Variants in SSU72 observed in about 807,000 individuals in gnomAD.
SSU72 encodes the protein RNA polymerase II subunit A C-terminal domain phosphatase SSU72.
Under a neutral mutation model 22.7 loss-of-function variants are expected in SSU72, and 12 were observed. That is an observed-to-expected ratio of 0.53 (90% CI 0.34 to 0.86). The LOEUF is 0.86. Ranked by LOEUF, SSU72 falls within the 40% of genes least tolerant of loss-of-function variation. SSU72 has a pLI of 0.02. For missense variants in SSU72, 151 were observed against 249.8 expected (o/e 0.60, Z 2.67); for synonymous variants, 116 against 98.3 (o/e 1.18, Z -1.06).
chr1:1,573,850 AC>A (rs1189135966), intron 1 of SSU72, among the ~76,000 whole-genome samples: 1 of 152,142 alleles, frequency 6.6e-6, no homozygotes, highest in Non-Finnish European at 1.5e-5. Flanking sequence ...ATGTGACTGA[AC>A]AAAAAACTTG....
chr1:1,548,922 A>G (rs1387914514), intron 2 of SSU72, among the ~76,000 whole-genome samples: 1 of 152,184 alleles, frequency 6.6e-6, no homozygotes, highest in African/African-American at 2.4e-5. Context: ...TGACGTCTGG[A>G]ACCCTCCCCC....
chr1:1,574,649 G>A lies in SSU72; in HGVS notation c.-92C>T. On this transcript the variant is annotated 5_prime_UTR_variant, in exon 1 of 5. Coordinates refer to ENST00000291386, the MANE Select transcript of SSU72 (RefSeq NM_014188.3). ...AACAAAATGGCGGCCGCGGTGGCCG[G>A]AAGCGGGCGACGCGAAACGACGGCG... 7.8e-7 allele frequency: 1 copy of A among 1,276,122 alleles called. No homozygotes were observed. Among genetic ancestry groups the A allele is most frequent in the Non-Finnish European group, 1.0e-6 (1 of 976,624 alleles). 79.0% of individuals were successfully genotyped at this position (1,276,122 alleles called of 1,614,324 possible).
chr1:1,574,433 G>C (rs748683536), intron 1 of SSU72, 45 bp downstream of exon 1: 19 of 1,552,594 alleles, frequency 1.2e-5, no homozygotes, highest in Non-Finnish European at 1.7e-5. Context: ...AGGGAGGGCC[G>C]GTCGCCGGAG....
intron 1 of SSU72, among the ~76,000 whole-genome samples, chr1:1,572,134 T>C (rs1642738456): frequency 6.7e-6 from 1 of 149,688 alleles, no homozygotes; most frequent in South Asian, 2.2e-4. Context: ...TGTTAAGATT[T>C]CTACTCCATC....
At chr1:1,553,113 G>A (rs1206679903) in intron 2 of SSU72, among the ~76,000 whole-genome samples, 2 of 151,516 alleles carry the variant, frequency 1.3e-5, no homozygotes, top group East Asian at 3.9e-4. Context: ...GACTAAACCC[G>A]AAACATTCCA....
chr1:1,545,281 C>A, intron 2 of SSU72: 1 of 437,982 alleles, frequency 2.3e-6, no homozygotes, highest in Admixed American at 3.6e-5. Flanking sequence ...CCGCCCCCGC[C>A]CAGCATGACA....
chr1:1,556,319 G>C (rs527681475), intron 2 of SSU72, among the ~76,000 whole-genome samples: 2 of 152,310 alleles, frequency 1.3e-5, no homozygotes, highest in African/African-American at 4.8e-5. Context: ...TGTAGTCCCA[G>C]CTACTTGGGA....
At chr1:1,550,817 G>A (rs987931936) in intron 2 of SSU72, among the ~76,000 whole-genome samples, 2 of 152,160 alleles carry the variant, frequency 1.3e-5, no homozygotes, top group Non-Finnish European at 2.9e-5. Flanking sequence ...CAGCAGGAAG[G>A]CTGCACCCAC....
intron 1 of SSU72, among the ~76,000 whole-genome samples, chr1:1,565,630 G>GGGCCCGACGGTGC (rs146004627): frequency 8.4e-5 from 4 of 47,834 alleles, no homozygotes; most frequent in South Asian, 3.0e-3. Flanking sequence ...CCCCCACGAT[G>GGGCCCGACGGTGC]TGGCTCCATG....
At chr1:1,561,139 C>CCGTAGCGCGAT (rs1553131881) in intron 2 of SSU72, 1 of 152,300 alleles carries the variant, frequency 6.6e-6, no homozygotes, top group Non-Finnish European at 1.5e-5. Flanking sequence ...GGCTGGAGTG[C>CCGTAGCGCGAT]CGTAGCGCGA....
chr1:1,567,152 G>A (rs951442668), intron 1 of SSU72, among the ~76,000 whole-genome samples: 1 of 152,220 alleles, frequency 6.6e-6, no homozygotes, highest in South Asian at 2.1e-4. Flanking sequence ...CAGGCCATGC[G>A]GCTCCACGCG....
chr1:1,565,985 G>A (rs1004730157), intron 1 of SSU72, among the ~76,000 whole-genome samples: 2 of 152,118 alleles, frequency 1.3e-5, no homozygotes, highest in African/African-American at 2.4e-5. Context: ...CACCGAGTGC[G>A]GTGGCTCACA....
intron 1 of SSU72, among the ~76,000 whole-genome samples, chr1:1,568,838 C>T (rs1244847376): frequency 2.0e-5 from 3 of 151,534 alleles, no homozygotes; most frequent in Admixed American, 6.6e-5. Flanking sequence ...AGTTCAATAC[C>T]AGCCTGGGCA....
At position 1,554,551 on chromosome 1, in the gene SSU72, G is replaced by T. The variant is rs775402449; in HGVS notation, c.225-9549C>A. Among the ~76,000 whole-genome samples, 4 of 152,184 alleles carry T rather than the reference G, an allele frequency of 2.6e-5. No homozygotes were observed. Among genetic ancestry groups the T allele is most frequent in the Non-Finnish European group, 5.9e-5 (4 of 68,022 alleles). On this transcript the variant is annotated intron_variant, in intron 2 of 4. Coordinates refer to ENST00000291386, the MANE Select transcript of SSU72 (RefSeq NM_014188.3). This position sits in a 1 kb window ranked among gnomAD's most constrained non-coding sequence, Gnocchi z 4.1. ...AAGGTTTTCTCTTTTCACTCCCTAG[G>T]GGCCTTAGTGGGACCAGAACATCCC...
At chr1:1,548,517 G>T (rs1642419772) in intron 2 of SSU72, among the ~76,000 whole-genome samples, 1 of 148,698 alleles carries the variant, frequency 6.7e-6, no homozygotes, top group East Asian at 2.0e-4. Context: ...TCATGCCACT[G>T]CACTCTGGCC....
intron 2 of SSU72, among the ~76,000 whole-genome samples, chr1:1,548,299 C>T (rs1642417546): frequency 6.6e-6 from 1 of 152,202 alleles, no homozygotes; most frequent in African/African-American, 2.4e-5. Flanking sequence ...TGGCTCACAC[C>T]TGTAATCCCA....
At chr1:1,565,756 G>A (rs1304149932) in intron 1 of SSU72, among the ~76,000 whole-genome samples, 2 of 67,182 alleles carry the variant, frequency 3.0e-5, no homozygotes, top group African/African-American at 3.1e-4. Flanking sequence ...AGTCACAGGT[G>A]AGGAAACTGA....
At chr1:1,563,974 C>T (rs1245072350) in intron 2 of SSU72, 1 of 152,580 alleles carries the variant, frequency 6.6e-6, no homozygotes, top group East Asian at 1.9e-4. Flanking sequence ...ACAGTGCCAA[C>T]ACGAAGATAA....
intron 1 of SSU72, among the ~76,000 whole-genome samples, chr1:1,570,147 C>T (rs781578372): frequency 6.6e-6 from 1 of 151,618 alleles, no homozygotes; most frequent in Non-Finnish European, 1.5e-5. Flanking sequence ...AGCAAAAATG[C>T]TCTGGGTGCG....
Sources: gnomAD v4.1 joint callset for allele counts (sites outside exome capture counted in the v4.1 genomes callset) on GRCh38, gnomAD v4.1.1 for gene constraint, Gnocchi (gnomAD v3.1) non-coding constraint, MANE v1.5 for transcripts, NCBI Gene and HGNC (gene_info 2026-07-23, HGNC 2026-07-21) for gene names.